RALYL: variants seen among roughly 807,000 people sequenced by gnomAD.
The protein encoded by RALYL is RNA-binding Raly-like protein.
RALYL carries 29 observed loss-of-function variants against 35.1 expected under a neutral mutation model. The ratio of observed to expected loss-of-function variants is 0.83; its 90% CI spans 0.61 to 1.13. The LOEUF (loss-of-function observed/expected upper bound fraction) is 1.13, where lower values mean the gene tolerates loss of function less well. Ranked by LOEUF, RALYL falls within the 50% of genes most tolerant of loss-of-function variation. The pLI is 0.00. For synonymous variants in RALYL, 120 were observed against 127.6 expected (o/e 0.94, Z 0.40); for missense variants, 359 against 360.4 (o/e 1.00, Z 0.03).
chr8:84,206,984 A>G (rs1175927905), intron 1 of RALYL, among the ~76,000 whole-genome samples: 1 of 152,164 alleles, frequency 6.6e-6, no homozygotes, highest in Non-Finnish European at 1.5e-5. Context: ...CACCTCACCT[A>G]TTAAGATAAC....
chr8:84,256,182 T>C (rs1325417225), intron 1 of RALYL, among the ~76,000 whole-genome samples: 3 of 152,154 alleles, frequency 2.0e-5, no homozygotes, highest in Non-Finnish European at 4.4e-5. Context: ...GTGTACCACA[T>C]TTTCTGTTCT....
chr8:84,517,925 G>C (rs187110130), intron 1 of RALYL, among the ~76,000 whole-genome samples: 1 of 152,120 alleles, frequency 6.6e-6, no homozygotes, highest in Non-Finnish European at 1.5e-5. Context: ...CTCAAGATCA[G>C]AGAGCCTAAA....
At chr8:84,430,781 A>T (rs1016006784) in intron 1 of RALYL, among the ~76,000 whole-genome samples, 1 of 152,136 alleles carries the variant, frequency 6.6e-6, no homozygotes, top group African/African-American at 2.4e-5. Flanking sequence ...TTATTTACTA[A>T]CATTCAAAGC....
At chr8:84,583,431 C>T (rs1811290465) in intron 2 of RALYL, among the ~76,000 whole-genome samples, 3 of 152,116 alleles carry the variant, frequency 2.0e-5, no homozygotes, top group Admixed American at 2.0e-4. Flanking sequence ...TATTTGTAAA[C>T]TTTTCAGTAC....
At chr8:84,415,901 C>G (rs939777702) in intron 1 of RALYL, among the ~76,000 whole-genome samples, 1 of 152,198 alleles carries the variant, frequency 6.6e-6, no homozygotes, top group African/African-American at 2.4e-5. Flanking sequence ...CTCTAACACA[C>G]TTGTCAGTGC....
chr8:84,909,950 G>A (rs1253023792), intron 8 of RALYL, among the ~76,000 whole-genome samples: 2 of 152,050 alleles, frequency 1.3e-5, no homozygotes, highest in African/African-American at 2.4e-5. Flanking sequence ...TTAACTAACA[G>A]GTCCTCATCT....
At chr8:84,450,875 C>G (rs1450849288) in intron 1 of RALYL, among the ~76,000 whole-genome samples, 1 of 151,872 alleles carries the variant, frequency 6.6e-6, no homozygotes, top group Non-Finnish European at 1.5e-5. Flanking sequence ...TTCAAAAAGA[C>G]ATTAAAAAAT....
intron 1 of RALYL, among the ~76,000 whole-genome samples, chr8:84,269,508 GTTTCAATTCCA>G (rs954385978): frequency 1.5e-4 from 23 of 152,198 alleles, no homozygotes; most frequent in African/African-American, 5.5e-4. Context: ...TGTTCTTTCA[GTTTCAATTCCA>G]TTATCTATTT....
chr8:84,209,113 C>T (rs1409639663), intron 1 of RALYL, among the ~76,000 whole-genome samples: 1 of 144,024 alleles, frequency 6.9e-6, no homozygotes, highest in Non-Finnish European at 1.5e-5. Context: ...CATAAACATC[C>T]CACTCCTCCA....
intron 1 of RALYL, among the ~76,000 whole-genome samples, chr8:84,328,244 C>T (rs1846181170): frequency 6.6e-6 from 1 of 152,158 alleles, no homozygotes; most frequent in Admixed American, 6.5e-5. Context: ...CGTTTCTAGA[C>T]CCAGAAATTT....
chr8:84,809,770 A>C (rs1825497418), intron 4 of RALYL, among the ~76,000 whole-genome samples: 1 of 152,040 alleles, frequency 6.6e-6, no homozygotes, highest in Non-Finnish European at 1.5e-5. Context: ...TATGTGCATA[A>C]AGGTGTTCAC....
intron 2 of RALYL, among the ~76,000 whole-genome samples, chr8:84,698,645 G>A (rs1304283993): frequency 6.6e-6 from 1 of 152,054 alleles, no homozygotes; most frequent in Non-Finnish European, 1.5e-5. Flanking sequence ...AGAATAGAAA[G>A]ATGAAACCAG....
intron 1 of RALYL, among the ~76,000 whole-genome samples, chr8:84,512,069 C>T (rs1380660410): frequency 2.6e-5 from 4 of 151,974 alleles, no homozygotes; most frequent in East Asian, 1.9e-4. Flanking sequence ...CTAGTGAGAT[C>T]GCTGGATCAT....
At chr8:84,418,294 G>A (rs2044980830) in intron 1 of RALYL, among the ~76,000 whole-genome samples, 1 of 152,096 alleles carries the variant, frequency 6.6e-6, no homozygotes, top group South Asian at 2.1e-4. Context: ...CTGTAAATTG[G>A]AAGTTATTAT....
intron 1 of RALYL, among the ~76,000 whole-genome samples, chr8:84,334,954 G>A (rs1376218616): frequency 6.6e-6 from 1 of 152,118 alleles, no homozygotes; most frequent in Non-Finnish European, 1.5e-5. Context: ...TAAAGGAAGA[G>A]GAAGACAACG....
At chr8:84,237,733 T>A (rs1826904360) in intron 1 of RALYL, among the ~76,000 whole-genome samples, 1 of 152,144 alleles carries the variant, frequency 6.6e-6, no homozygotes, top group East Asian at 1.9e-4. Flanking sequence ...TTTTTTAATC[T>A]GATGATTATG....
chr8:84,809,923 A>G (rs1464337031), intron 4 of RALYL, among the ~76,000 whole-genome samples: 1 of 152,074 alleles, frequency 6.6e-6, no homozygotes, highest in Non-Finnish European at 1.5e-5. Flanking sequence ...TTATCTTTTC[A>G]AAGAACCAGC....
chr8:84,786,841 C>T (rs961200332), intron 3 of RALYL, among the ~76,000 whole-genome samples: 6 of 152,038 alleles, frequency 3.9e-5, no homozygotes, highest in Non-Finnish European at 8.8e-5. Flanking sequence ...TTATGAGAAC[C>T]CATTTGTCAA....
At chr8:84,834,663 CA>C (rs1021871002) in intron 4 of RALYL, among the ~76,000 whole-genome samples, 33 of 151,334 alleles carry the variant, frequency 2.2e-4, no homozygotes, top group African/African-American at 8.0e-4. Flanking sequence ...AAAGCAAGCT[CA>C]AAAAAAGGGT....
Sources: allele counts gnomAD v4.1 joint callset (sites outside exome capture counted in the v4.1 genomes callset), GRCh38; gene constraint gnomAD v4.1.1; transcripts MANE v1.5; gene names NCBI Gene and HGNC (gene_info 2026-07-23, HGNC 2026-07-21).